Variants in POLR2F observed in about 807,000 individuals in gnomAD.
POLR2F encodes RNA polymerase II, I and III subunit F.
Under a neutral mutation model 22.7 loss-of-function variants are expected in POLR2F, and 12 were observed. The observed-to-expected ratio is 0.53, with a 90% CI of 0.34 to 0.86. POLR2F has a LOEUF of 0.86. Among genes scored for constraint, POLR2F ranks in the 40% least tolerant of loss-of-function variants. POLR2F has a pLI of 0.02. For missense variants in POLR2F, 126 were observed against 171.5 expected (o/e 0.73, Z 1.48); for synonymous variants, 57 against 66.0 (o/e 0.86, Z 0.66).
intron 1 of POLR2F, among the ~76,000 whole-genome samples, chr22:37,993,263 A>G (rs1932756033): frequency 6.6e-6 from 1 of 152,196 alleles, no homozygotes; most frequent in Admixed American, 6.5e-5. Context: ...AAGGTTGCCC[A>G]GCTTAGGAAC....
chr22:37,981,405 C>T (rs1047102629), upstream of POLR2F, among the ~76,000 whole-genome samples: 1 of 152,228 alleles, frequency 6.6e-6, no homozygotes, highest in Admixed American at 6.5e-5. Context: ...GGGTCCTCAG[C>T]AAGTAGTGCC....
rs1040382034 is a variant in POLR2F at position 37,969,248 on chromosome 22, C to T, written c.*1533C>T. 2 of 984,818 alleles carry T rather than the reference C, an allele frequency of 2.0e-6. No individual in the cohort carries two copies. Among genetic ancestry groups the T allele is most frequent in the Non-Finnish European group, 2.4e-6 (2 of 829,542 alleles). 61.0% of individuals were successfully genotyped at this position (984,818 alleles called of 1,614,324 possible). On this transcript the variant is annotated 3_prime_UTR_variant, in exon 5 of 5. Coordinates refer to ENST00000442738, the MANE Select transcript of POLR2F (RefSeq NM_021974.5). Reference sequence around the variant, plus strand: ...TTCCCATTCTCCTCTTTTGGGGAGTCCCCTGCTATTCAGCTGTCTGGGCCT... The same window carrying T: ...TTCCCATTCTCCTCTTTTGGGGAGTTCCCTGCTATTCAGCTGTCTGGGCCT...
At chr22:38,025,622 G>A (rs777007164) in intron 1 of POLR2F, 11 of 1,557,938 alleles carry the variant, frequency 7.1e-6, no homozygotes, top group South Asian at 4.9e-5. Context: ...ACCCTCCTAC[G>A]CACTGGCCCA....
chr22:38,010,692 C>T (rs1026913502), intron 1 of POLR2F, among the ~76,000 whole-genome samples: 30 of 139,928 alleles, frequency 2.1e-4, no homozygotes, highest in African/African-American at 7.5e-4. Flanking sequence ...TCTCGGCTCA[C>T]TGCAACCTCC....
chr22:37,986,879 G>A lies in POLR2F; in HGVS notation c.120+567G>A, dbSNP rs1300639595. 1 of 451,100 alleles carries A rather than the reference G, an allele frequency of 2.2e-6. No homozygotes were observed. The highest frequency in any genetic ancestry group is 4.5e-6 in the Non-Finnish European group (1 of 223,032). 27.9% of individuals were successfully genotyped at this position (451,100 alleles called of 1,614,324 possible). A position where few individuals can be genotyped will look rare whatever the true frequency, so the allele number is the denominator to read the frequency against. ...GGGTGAAGGACCCATAGTCATTCCT[G>A]AAGAGCAGGGAGCTTGGAGAGGGGA... On this transcript the variant is annotated intron_variant, in intron 1 of 2. Coordinates refer to the POLR2F transcript ENST00000333418. The surrounding 1 kb of genome is among the most constrained non-coding windows in gnomAD (Gnocchi z 4.7).
chr22:38,015,736 A>G lies in POLR2F; in HGVS notation c.121-10133A>G, dbSNP rs962783656. On this transcript the variant is annotated intron_variant, in intron 1 of 2. Coordinates refer to the POLR2F transcript ENST00000333418. Reference sequence around the variant, plus strand: ...GAGAATCCATGATAGCAACAACACCACCACCAACAGCAGCCACACCTGTCT... The same window carrying G: ...GAGAATCCATGATAGCAACAACACCGCCACCAACAGCAGCCACACCTGTCT... Among the ~76,000 whole-genome samples, 8 of 152,270 alleles carry G rather than the reference A, an allele frequency of 5.3e-5. No individual in the cohort carries two copies. The East Asian group carries it at 1.5e-3, about 29-fold the overall frequency.
chr22:38,006,550 T>G (rs1226901735), intron 1 of POLR2F, among the ~76,000 whole-genome samples: 2 of 152,232 alleles, frequency 1.3e-5, no homozygotes, highest in African/African-American at 2.4e-5. Context: ...CTCTTGGAGC[T>G]GATACCTGCT....
intron 1 of POLR2F, among the ~76,000 whole-genome samples, chr22:38,021,043 G>A (rs1388980905): frequency 6.6e-6 from 1 of 152,174 alleles, no homozygotes; most frequent in Non-Finnish European, 1.5e-5. Flanking sequence ...TGTGTACCAG[G>A]CCCTCAGCAA....
chr22:38,025,745 T>G, intron 1 of POLR2F: 1 of 1,529,362 alleles, frequency 6.5e-7, no homozygotes, highest in South Asian at 1.3e-5. Context: ...TTGCTGATGG[T>G]CTCACCCGAG....
In POLR2F at chr22:37,977,916, G is replaced by C. The variant is rs571227999; in HGVS notation, c.293+10746G>C. 1.2e-6 allele frequency: 2 copies of C among 1,613,088 alleles called. No homozygotes were observed. Among genetic ancestry groups the C allele is most frequent in the Admixed American group, 1.7e-5 (1 of 60,030 alleles). ...CTGACATGGGGGAGCCCTCTCCTGG[G>C]TGCCGGTGGTCCAAGTGGGCGCTCT... On this transcript the variant is annotated intron_variant, in intron 4 of 4. Coordinates refer to the POLR2F transcript ENST00000405557.
chr22:37,966,731 C>T (rs1032350999), intron 3 of POLR2F, among the ~76,000 whole-genome samples: 1 of 152,170 alleles, frequency 6.6e-6, no homozygotes, highest in Non-Finnish European at 1.5e-5. Flanking sequence ...CCCCATTGCA[C>T]TCCAGTCTGG....
chr22:37,977,770 C>T (rs901926772), intron 4 of POLR2F: 51 of 1,343,356 alleles, frequency 3.8e-5, no homozygotes, highest in African/African-American at 2.6e-4. Context: ...CAGCCTGGCA[C>T]GCTCTCCCTA....
At chr22:37,971,388 G>T, downstream of POLR2F, 1 of 451,906 alleles carries the variant, frequency 2.2e-6, no homozygotes, top group Non-Finnish European at 4.6e-6. Flanking sequence ...ATGGCAGCTG[G>T]ATATAAGCTG....
intron 5 of POLR2F, among the ~76,000 whole-genome samples, chr22:38,035,553 T>G (rs2085107686): frequency 6.6e-6 from 1 of 152,194 alleles, no homozygotes; most frequent in African/African-American, 2.4e-5. Context: ...CTCGGGGCCA[T>G]GCAGCCTCCC....
At chr22:38,037,169 G>C (rs936789907) in intron 5 of POLR2F, among the ~76,000 whole-genome samples, 1 of 152,228 alleles carries the variant, frequency 6.6e-6, no homozygotes, top group African/African-American at 2.4e-5. Flanking sequence ...TAGCCCCAGA[G>C]CTGGGCACAT....
chr22:37,968,712 A>G lies in POLR2F; in HGVS notation c.*997A>G. 10 of 985,400 alleles carry G rather than the reference A, an allele frequency of 1.0e-5. No homozygotes were observed. The highest frequency in any genetic ancestry group is 1.2e-5 in the Non-Finnish European group (10 of 829,924). The allele number at this position is 985,400 out of a possible 1,614,324, so 61.0% of individuals were successfully genotyped here. On this transcript the variant is annotated 3_prime_UTR_variant, in exon 5 of 5. Coordinates refer to ENST00000442738, the MANE Select transcript of POLR2F (RefSeq NM_021974.5). ...TAGAGGGTAAACTGGCTCCCTGAATATGCCAGCCTTAACCTCCATTCCACT... is the reference window on the plus strand; with the variant it reads ...TAGAGGGTAAACTGGCTCCCTGAATGTGCCAGCCTTAACCTCCATTCCACT...
chr22:37,973,841 G>C (rs751536228), downstream of POLR2F: 1 of 1,605,566 alleles, frequency 6.2e-7, no homozygotes, highest in Admixed American at 1.7e-5. Flanking sequence ...CTGGGCTTTG[G>C]CATCCACACC....
intron 1 of POLR2F, among the ~76,000 whole-genome samples, chr22:38,011,440 T>C (rs1431796982): frequency 6.6e-6 from 1 of 151,896 alleles, no homozygotes; most frequent in Non-Finnish European, 1.5e-5. Flanking sequence ...TAAAAATATG[T>C]TGTCAGATAA....
At chr22:37,998,238 A>G (rs1281813123) in intron 1 of POLR2F, among the ~76,000 whole-genome samples, 1 of 152,214 alleles carries the variant, frequency 6.6e-6, no homozygotes, top group Non-Finnish European at 1.5e-5. Flanking sequence ...CCTGTGATCA[A>G]AAGAGGCCAT....
Sources: allele counts gnomAD v4.1 joint callset (sites outside exome capture counted in the v4.1 genomes callset), GRCh38; gene constraint gnomAD v4.1.1; non-coding constraint Gnocchi (gnomAD v3.1); transcripts MANE v1.5; gene names NCBI Gene and HGNC (gene_info 2026-07-23, HGNC 2026-07-21).